Variants in FBXL18 observed in about 807,000 individuals in gnomAD.
FBXL18 encodes the protein F-box/LRR-repeat protein 18.
A neutral mutation model predicts 46.0 loss-of-function variants in FBXL18; 36 were observed. The ratio of observed to expected loss-of-function variants is 0.78; its 90% CI spans 0.60 to 1.03. The LOEUF is 1.03. Ranked by LOEUF, FBXL18 falls within the 50% of genes least tolerant of loss-of-function variation. The probability of loss-of-function intolerance (pLI) is 0.00; values close to 1 mark genes in which losing one functional copy is unlikely to be tolerated. For synonymous variants in FBXL18, 557 were observed against 465.3 expected (o/e 1.20, Z -2.54); for missense variants, 977 against 1,004.1 (o/e 0.97, Z 0.36).
chr7:5,492,522 T>C (rs1584219963), intron 3 of FBXL18, among the ~76,000 whole-genome samples: 1 of 151,744 alleles, frequency 6.6e-6, no homozygotes, highest in Non-Finnish European at 1.5e-5. Context: ...GAGGGGCTAG[T>C]GTGGACTGAG....
At chr7:5,502,116 C>A (rs2128237786) in intron 2 of FBXL18, 85 bp from the exon 3 acceptor site, 1 of 954,640 alleles carries the variant, frequency 1.0e-6, no homozygotes, top group East Asian at 2.7e-5. Context: ...CACACTCCCC[C>A]TTGCAGCAGC....
chr7:5,500,896 G>A lies in FBXL18; in HGVS notation c.1373C>T (p.Ser458Phe). The A allele has an allele frequency of 6.3e-7, 1 of 1,586,826 alleles. No homozygotes were observed. The highest frequency in any genetic ancestry group is 2.2e-5 in the East Asian group (1 of 44,484). The change falls in exon 3 of 5, where the codon TCC (serine) becomes TTC (phenylalanine). Residue 458 changes from serine to phenylalanine, a missense_variant. Ser to Phe is a radical substitution (Grantham distance 155). Coordinates refer to ENST00000382368, the MANE Select transcript of FBXL18 (RefSeq NM_024963.6). ...CTGGCCCGAGAAGGGGCTGGGACAG[G>A]ACTGCACGCCCACACGCACTTTCTT... ...FGKKVRVGVQSCPSPFSGQAC... is the reference protein window; with the variant it reads ...FGKKVRVGVQFCPSPFSGQAC...
intron 4 of FBXL18, among the ~76,000 whole-genome samples, chr7:5,456,465 C>T (rs185112004): frequency 2.6e-5 from 4 of 152,200 alleles, no homozygotes; most frequent in African/African-American, 9.6e-5. Flanking sequence ...GAAGTGGGGA[C>T]AGGCGAGGCC....
chr7:5,457,185 G>A (rs1783185695), intron 4 of FBXL18, among the ~76,000 whole-genome samples: 1 of 152,324 alleles, frequency 6.6e-6, no homozygotes, highest in South Asian at 2.1e-4. Context: ...AGGGATTGGG[G>A]GGACTCTGTG....
intron 4 of FBXL18, among the ~76,000 whole-genome samples, chr7:5,485,735 CTG>C (rs1317193023): frequency 1.3e-5 from 2 of 152,068 alleles, no homozygotes; most frequent in Non-Finnish European, 2.9e-5. Flanking sequence ...TGGAGAAACC[CTG>C]TCTCTACTAA....
intron 4 of FBXL18, among the ~76,000 whole-genome samples, chr7:5,486,968 A>G (rs538525798): frequency 3.5e-4 from 54 of 152,394 alleles, no homozygotes; most frequent in Admixed American, 7.2e-4. Flanking sequence ...AGCGTCAGGA[A>G]AAGCGAGAGC....
rs1395376292 is a variant in FBXL18, at chr7:5,500,340, GC to G, written c.1781+147del. On this transcript the variant is annotated intron_variant, in intron 3 of 4. Coordinates refer to ENST00000382368, the MANE Select transcript of FBXL18 (RefSeq NM_024963.6). The stretch of plus-strand genomic sequence containing the variant: ...TCCTCTAGATGCCGCTCTCCCCAGA[GC>G]CCCGAGACCGACGTGGCACGCTGCG... 1.5e-5 allele frequency: 10 copies of G among 681,852 alleles called. No individual in the cohort carries two copies. In the Admixed American group the frequency reaches 2.1e-4, roughly 14 times the overall value. The allele number at this position is 681,852 out of a possible 1,614,324, so 42.2% of individuals were successfully genotyped here.
intron 1 of FBXL18, among the ~76,000 whole-genome samples, chr7:5,511,365 G>C (rs968113290): frequency 3.3e-5 from 5 of 151,760 alleles, no homozygotes; most frequent in Non-Finnish European, 5.9e-5. Context: ...GATCACCTGA[G>C]GTCAGTAGTT....
At chr7:5,513,020 C>T (rs552712075) in intron 1 of FBXL18, among the ~76,000 whole-genome samples, 1 of 152,292 alleles carries the variant, frequency 6.6e-6, no homozygotes, top group Non-Finnish European at 1.5e-5. Flanking sequence ...CAGGAAGCAT[C>T]AACGGGAAGC....
Position 5,501,865 on chromosome 7 carries a change from C to T in FBXL18, c.404G>A (p.Arg135His). 1.2e-6 allele frequency: 2 copies of T among 1,602,146 alleles called. No individual in the cohort carries two copies. Among genetic ancestry groups the T allele is most frequent in the South Asian group, 1.1e-5 (1 of 88,586 alleles). The part of the protein sequence containing the change: ...NLSGCHLTSL[R>H]LSKMLSALQH... ...CAGGGCCGAGAGCATCTTGGAGAGG[C>T]GCAGGGAAGTGAGGTGGCAGCCCGA... Residue 135 changes from arginine to histidine, a missense_variant, in exon 3 of 5, where the codon CGC becomes CAC. Coordinates refer to ENST00000382368, the MANE Select transcript of FBXL18 (RefSeq NM_024963.6).
rs1376708676 is a variant in FBXL18 at position 5,455,069 on chromosome 7, T to C, written c.2001-7226A>G. ...AGTGCCACCTTCCACGCCGTCACTTTAGGAGTTTGCTGTGAGGTTAGCCTC... is the reference window on the plus strand; with the variant it reads ...AGTGCCACCTTCCACGCCGTCACTTCAGGAGTTTGCTGTGAGGTTAGCCTC... On this transcript the variant is annotated intron_variant and NMD_transcript_variant, in intron 4 of 6. Transcript: ENST00000415009. The surrounding 1 kb of genome is among the most constrained non-coding windows in gnomAD (Gnocchi z 4.6). Among the ~76,000 whole-genome samples, 2 of 152,148 alleles carry C rather than the reference T, an allele frequency of 1.3e-5. No homozygotes were observed. Among genetic ancestry groups the C allele is most frequent in the African/African-American group, 4.8e-5 (2 of 41,436 alleles).
intron 4 of FBXL18, among the ~76,000 whole-genome samples, chr7:5,464,115 G>A (rs941136686): frequency 9.9e-5 from 15 of 152,132 alleles, no homozygotes; most frequent in Non-Finnish European, 1.6e-4. Context: ...GGAGGCCAAG[G>A]TGGGCGGATC....
chr7:5,502,778 A>G (rs1486180075), intron 2 of FBXL18, among the ~76,000 whole-genome samples: 3 of 151,864 alleles, frequency 2.0e-5, no homozygotes, highest in Admixed American at 6.6e-5. Flanking sequence ...CAGTGAGCCA[A>G]GATGGCACCA....
Position 5,455,770 on chromosome 7 carries a change from A to G in FBXL18, c.2001-7927T>C, listed in dbSNP as rs1017406747. 6.8e-6 allele frequency among the ~76,000 whole-genome samples: 1 copy of G among 147,916 alleles called. No individual in the cohort carries two copies. The highest frequency in any genetic ancestry group is 2.5e-5 in the African/African-American group (1 of 39,956). ...CCCCACTACACACACACAAACACAC[A>G]CACACACACACACACACCACTTCCA... On this transcript the variant is annotated intron_variant and NMD_transcript_variant, in intron 4 of 6. Transcript: ENST00000415009. The surrounding 1 kb of genome is among the most constrained non-coding windows in gnomAD (Gnocchi z 4.6).
chr7:5,492,069 T>G (rs1783941824), intron 3 of FBXL18, among the ~76,000 whole-genome samples: 3 of 145,854 alleles, frequency 2.1e-5, no homozygotes, highest in Admixed American at 6.9e-5. Context: ...CCGAGGGGAG[T>G]GGGGCCAAGC....
At chr7:5,498,752 T>C (rs559795445) in intron 3 of FBXL18, among the ~76,000 whole-genome samples, 1 of 152,216 alleles carries the variant, frequency 6.6e-6, no homozygotes, top group African/African-American at 2.4e-5. Flanking sequence ...TGTATGTTTT[T>C]GGTAGAAACA....
intron 4 of FBXL18, among the ~76,000 whole-genome samples, chr7:5,487,081 G>T (rs4724699): frequency 1.3e-5 from 2 of 152,170 alleles, no homozygotes; most frequent in Non-Finnish European, 2.9e-5. Flanking sequence ...TGGGCCTTGG[G>T]CGCAGCTGCA....
At chr7:5,457,008 C>T (rs1342890988) in intron 4 of FBXL18, among the ~76,000 whole-genome samples, 1 of 152,228 alleles carries the variant, frequency 6.6e-6, no homozygotes, top group Non-Finnish European at 1.5e-5. Context: ...AAGTGATCCA[C>T]CTGCCTTGGC....
chr7:5,495,882 G>A (rs756015449), intron 3 of FBXL18: 1 of 479,140 alleles, frequency 2.1e-6, no homozygotes, highest in South Asian at 1.5e-5. Flanking sequence ...GCTCAGAGCA[G>A]ACGTGGTTCT....
Sources: allele counts gnomAD v4.1 joint callset (sites outside exome capture counted in the v4.1 genomes callset), GRCh38; gene constraint gnomAD v4.1.1; non-coding constraint Gnocchi (gnomAD v3.1); transcripts MANE v1.5; gene names NCBI Gene and HGNC (gene_info 2026-07-23, HGNC 2026-07-21).